Variants in LRP1B observed in about 807,000 individuals in gnomAD.
LRP1B encodes LDL receptor related protein 1B.
In LRP1B, 217 loss-of-function variants were observed where a neutral mutation model predicts 556.6. The observed-to-expected ratio is 0.39, with a 90% confidence interval of 0.35 to 0.44. The LOEUF (loss-of-function observed/expected upper bound fraction) is 0.44, where lower values mean the gene tolerates loss of function less well. Ranked by LOEUF, LRP1B falls within the 20% of genes least tolerant of loss-of-function variation. The probability of loss-of-function intolerance (pLI) is 1.00; values close to 1 mark genes in which losing one functional copy is unlikely to be tolerated. For missense variants in LRP1B, 5,053 were observed against 5,620.8 expected (o/e 0.90, Z 3.23); for synonymous variants, 2,047 against 1,865.8 (o/e 1.10, Z -2.50).
chr2:141,097,057 T>C (rs1057005576), intron 7 of LRP1B, among the ~76,000 whole-genome samples: 3 of 152,146 alleles, frequency 2.0e-5, no homozygotes, highest in Non-Finnish European at 4.4e-5. Context: ...CTGAATCTCC[T>C]AGCATAGCAG....
In LRP1B at chr2:140,284,105, G is replaced by T. The variant is rs976602384; in HGVS notation, c.12968-9507C>A. 5.3e-5 allele frequency among the ~76,000 whole-genome samples: 8 copies of T among 151,598 alleles called. 1 individual carries two copies. The highest frequency in any genetic ancestry group is 1.5e-4 in the African/African-American group (6 of 41,338). ...ATTTAGGCCCTAATTTCTCTATCAA[G>T]ACACTGAGTATGTATTAAGGTTCAA... On this transcript the variant is annotated intron_variant, in intron 84 of 90. Transcript: ENST00000389484.
At chr2:141,088,688 T>A (rs1700104574) in intron 7 of LRP1B, among the ~76,000 whole-genome samples, 1 of 152,174 alleles carries the variant, frequency 6.6e-6, no homozygotes, top group African/African-American at 2.4e-5. Flanking sequence ...CTATAATAGG[T>A]GCTGCTGGAA....
At chr2:140,936,133 G>C (rs561828219) in intron 20 of LRP1B, among the ~76,000 whole-genome samples, 2 of 151,092 alleles carry the variant, frequency 1.3e-5, no homozygotes, top group Admixed American at 1.3e-4. Context: ...TGAGGTCAAG[G>C]GTTCGAGACC....
At chr2:142,019,156 A>C (rs1703249885) in intron 1 of LRP1B, among the ~76,000 whole-genome samples, 1 of 152,212 alleles carries the variant, frequency 6.6e-6, no homozygotes, top group Non-Finnish European at 1.5e-5. Flanking sequence ...AGTCCTTTCA[A>C]ATCTTTTAAC....
chr2:141,950,979 G>A (rs1230761551), intron 1 of LRP1B, among the ~76,000 whole-genome samples: 1 of 151,926 alleles, frequency 6.6e-6, no homozygotes, highest in African/African-American at 2.4e-5. Context: ...TGGGAGCAGA[G>A]GTTCAATAAA....
At chr2:140,510,336 A>G (rs1352277198) in intron 51 of LRP1B, among the ~76,000 whole-genome samples, 4 of 152,192 alleles carry the variant, frequency 2.6e-5, no homozygotes, top group Non-Finnish European at 5.9e-5. Context: ...AAGCATAGAA[A>G]TGTCATAGAA....
intron 1 of LRP1B, among the ~76,000 whole-genome samples, chr2:141,901,953 T>C (rs1699630334): frequency 2.7e-5 from 1 of 37,536 alleles, no homozygotes; most frequent in Non-Finnish European, 6.5e-5. Flanking sequence ...GAAAGAGTGA[T>C]TGTATCTTTC....
At chr2:141,610,015 A>G (rs929425532) in intron 2 of LRP1B, among the ~76,000 whole-genome samples, 4 of 152,238 alleles carry the variant, frequency 2.6e-5, no homozygotes, top group Admixed American at 1.3e-4. Flanking sequence ...TTTGGGACAG[A>G]TCATTCGAAT....
chr2:141,637,857 T>C (rs1396958377), intron 2 of LRP1B, among the ~76,000 whole-genome samples: 1 of 152,158 alleles, frequency 6.6e-6, no homozygotes, highest in Non-Finnish European at 1.5e-5. Flanking sequence ...ATGAATAGCT[T>C]AGCAGCATCT....
intron 66 of LRP1B, among the ~76,000 whole-genome samples, chr2:140,419,083 G>A (rs1003568903): frequency 6.6e-6 from 1 of 152,116 alleles, no homozygotes; most frequent in African/African-American, 2.4e-5. Context: ...AAACATTTCT[G>A]AGCATCAAAT....
chr2:140,875,201 C>T (rs13414774), intron 25 of LRP1B, among the ~76,000 whole-genome samples: 1,718 of 152,098 alleles, frequency 0.011, 27 homozygotes, highest in African/African-American at 0.038. Context: ...AAGAGGTGGG[C>T]CTGTGATATT....
intron 1 of LRP1B, among the ~76,000 whole-genome samples, chr2:142,061,871 G>A (rs1232178450): frequency 6.6e-6 from 1 of 151,836 alleles, no homozygotes; most frequent in Non-Finnish European, 1.5e-5. Flanking sequence ...TAATAAATTT[G>A]TGGAGGACAT....
At chr2:141,986,051 T>C (rs926462099) in intron 1 of LRP1B, among the ~76,000 whole-genome samples, 1 of 151,916 alleles carries the variant, frequency 6.6e-6, no homozygotes, top group Non-Finnish European at 1.5e-5. Flanking sequence ...ACATAAGTAA[T>C]ATGGGCTTCT....
At chr2:141,751,272 T>A (rs1694101175) in intron 2 of LRP1B, among the ~76,000 whole-genome samples, 1 of 152,068 alleles carries the variant, frequency 6.6e-6, no homozygotes, top group Admixed American at 6.5e-5. Context: ...ATTTGTAGAA[T>A]TTAAAAATTT....
At chr2:141,228,968 C>T (rs1683358375) in intron 6 of LRP1B, among the ~76,000 whole-genome samples, 1 of 151,934 alleles carries the variant, frequency 6.6e-6, no homozygotes, top group Admixed American at 6.6e-5. Context: ...TTACAATTAA[C>T]TCTGCAATTT....
chr2:140,412,776 T>A (rs1440192169), intron 66 of LRP1B, among the ~76,000 whole-genome samples: 6 of 152,096 alleles, frequency 3.9e-5, no homozygotes, highest in Non-Finnish European at 7.4e-5. Flanking sequence ...TTTGCCGTTT[T>A]TTACATTCTA....
At chr2:141,341,556 A>C (rs949714112) in intron 3 of LRP1B, among the ~76,000 whole-genome samples, 1 of 152,178 alleles carries the variant, frequency 6.6e-6, no homozygotes, top group Non-Finnish European at 1.5e-5. Flanking sequence ...TGTTTCAGTG[A>C]CACAGTGGAA....
intron 1 of LRP1B, among the ~76,000 whole-genome samples, chr2:141,923,212 G>T (rs1700234222): frequency 6.6e-6 from 1 of 151,618 alleles, no homozygotes; most frequent in Non-Finnish European, 1.5e-5. Flanking sequence ...GAAAATAGCA[G>T]GTGAATATTA....
rs528083559 is a variant in LRP1B at position 142,105,291 on chromosome 2, C to T, written c.82+25357G>A. On this transcript the variant is annotated intron_variant, in intron 1 of 90. Coordinates refer to ENST00000389484, the MANE Select transcript of LRP1B (RefSeq NM_018557.3). ...TCTTTGGGTTTCTAAAAAGGTCATT[C>T]TAATTTCAGGGTGCCAAATGGATTG... 2.6e-5 allele frequency among the ~76,000 whole-genome samples: 4 copies of T among 152,256 alleles called. No individual in the cohort carries two copies. In the South Asian group the frequency reaches 8.3e-4, roughly 32 times the overall value.
Sources: allele counts gnomAD v4.1 joint callset (sites outside exome capture counted in the v4.1 genomes callset), GRCh38; gene constraint gnomAD v4.1.1; transcripts MANE v1.5; gene names NCBI Gene and HGNC (gene_info 2026-07-23, HGNC 2026-07-21).